Variants in SPECC1 observed in about 807,000 individuals in gnomAD.
SPECC1 encodes cytospin-B.
Under a neutral mutation model 104.1 loss-of-function variants are expected in SPECC1, and 62 were observed. The ratio of observed to expected loss-of-function variants is 0.60; its 90% CI spans 0.49 to 0.74. The LOEUF is 0.74. Among genes scored for constraint, SPECC1 ranks in the 30% least tolerant of loss-of-function variants. SPECC1 has a pLI of 0.00. For synonymous variants in SPECC1, 513 were observed against 501.6 expected (o/e 1.02, Z -0.30); for missense variants, 1,306 against 1,310.5 (o/e 1.00, Z 0.05).
chr17:20,206,972 A>G (rs2036825940), intron 4 of SPECC1, among the ~76,000 whole-genome samples: 1 of 152,126 alleles, frequency 6.6e-6, no homozygotes, highest in African/African-American at 2.4e-5. Context: ...CAACACTTTA[A>G]TCAGCCTGTA....
chr17:20,180,818 T>C (rs902853766), intron 3 of SPECC1, among the ~76,000 whole-genome samples: 1 of 152,188 alleles, frequency 6.6e-6, no homozygotes, highest in African/African-American at 2.4e-5. Flanking sequence ...AACAAATGTA[T>C]TGCATATGTT....
chr17:20,218,445 G>A (rs1201930496), intron 4 of SPECC1, among the ~76,000 whole-genome samples: 1 of 152,140 alleles, frequency 6.6e-6, no homozygotes, highest in Non-Finnish European at 1.5e-5. Context: ...AAGCTTCAGA[G>A]CACAACCTGC....
intron 4 of SPECC1, among the ~76,000 whole-genome samples, chr17:20,222,113 C>T (rs2037918080): frequency 2.0e-5 from 3 of 151,520 alleles, no homozygotes; most frequent in Admixed American, 1.3e-4. Flanking sequence ...GCGGGCACAT[C>T]ACCTGAGGTC....
At chr17:20,294,781 C>T (rs1304260905) in intron 12 of SPECC1, among the ~76,000 whole-genome samples, 1 of 152,072 alleles carries the variant, frequency 6.6e-6, no homozygotes, top group Non-Finnish European at 1.5e-5. Context: ...CAAAACTAAT[C>T]AGGTGGGTTA....
chr17:20,238,908 T>C, intron 7 of SPECC1: 1 of 1,042,664 alleles, frequency 9.6e-7, no homozygotes, highest in Non-Finnish European at 1.2e-6. Flanking sequence ...GCTGCTTAGT[T>C]TTAATCACCA....
chr17:20,182,492 T>C (rs1480597075), intron 3 of SPECC1, among the ~76,000 whole-genome samples: 1 of 152,160 alleles, frequency 6.6e-6, no homozygotes, highest in East Asian at 1.9e-4. Flanking sequence ...ACAATTTTGT[T>C]TTATTTAGTA....
At chr17:20,212,859 G>A (rs2037245901) in intron 4 of SPECC1, among the ~76,000 whole-genome samples, 1 of 152,182 alleles carries the variant, frequency 6.6e-6, no homozygotes, top group African/African-American at 2.4e-5. Context: ...TGTTTAAAAA[G>A]TAAAGTTTAT....
Position 20,110,493 on chromosome 17 carries a change from C to G in SPECC1, c.214C>G (p.Arg72Gly), listed in dbSNP as rs781646291. 6.2e-7 allele frequency: 1 copy of G among 1,613,866 alleles called. No homozygotes were observed. The highest frequency in any genetic ancestry group is 8.5e-7 in the Non-Finnish European group (1 of 1,179,996). The change falls in exon 3 of 15, where the codon CGC becomes GGC. Residue 72 changes from arginine to glycine, a missense_variant. Arg to Gly is a moderately radical substitution (Grantham distance 125). Around this residue, in one of 2 missense-constraint regions of SPECC1, gnomAD observed 1,177 missense variants for 1,139.9 expected, o/e 1.03. Coordinates refer to ENST00000395527, the MANE Select transcript of SPECC1 (RefSeq NM_001243439.2). ...AAGTACCGCTGCATCGGGGGTGGTT[C>G]GCCTGAAGAAGACCGCCACTGCCGG... The part of the protein sequence containing the change: ...PGSTAASGVV[R>G]LKKTATAGAI...
chr17:20,268,555 C>T (rs978458747), intron 12 of SPECC1, among the ~76,000 whole-genome samples: 15 of 152,202 alleles, frequency 9.9e-5, no homozygotes, highest in Non-Finnish European at 2.1e-4. Context: ...TTATTTACTG[C>T]CATCAGAGTG....
intron 1 of SPECC1, among the ~76,000 whole-genome samples, chr17:20,068,872 A>G (rs900461439): frequency 6.6e-6 from 1 of 152,192 alleles, no homozygotes; most frequent in Non-Finnish European, 1.5e-5. Flanking sequence ...TTGAGTTTTC[A>G]GAGATCTTTA....
intron 12 of SPECC1, among the ~76,000 whole-genome samples, chr17:20,274,263 T>G (rs2040502493): frequency 6.6e-6 from 1 of 152,182 alleles, no homozygotes; most frequent in South Asian, 2.1e-4. Flanking sequence ...TGTTCCCTTC[T>G]GTGCCTCTGT....
Position 20,317,259 on chromosome 17 carries a change from A to ATT in SPECC1, c.*3214_*3215dup, listed in dbSNP as rs762643888. ...GCAAGACCTCTGACTCTATAAAAAA[A>ATT]TTTTTTTTTTTTTTTTTTTTTGAGA... On this transcript the variant is annotated 3_prime_UTR_variant, in exon 15 of 15. Transcript: ENST00000395527. 40 of 69,670 alleles carry ATT rather than the reference A, an allele frequency of 5.7e-4. 1 individual carries two copies. The highest frequency in any genetic ancestry group is 4.8e-3 in the East Asian group (6 of 1,260). The allele number at this position is 69,670 out of a possible 1,614,324, so 4.3% of individuals were successfully genotyped here. A position where few individuals can be genotyped will look rare whatever the true frequency, so the allele number is the denominator to read the frequency against.
At chr17:20,015,937 C>T (rs1201406180) in intron 1 of SPECC1, among the ~76,000 whole-genome samples, 2 of 148,150 alleles carry the variant, frequency 1.3e-5, no homozygotes, top group African/African-American at 5.0e-5. Flanking sequence ...ATAGGCAGGG[C>T]GCAGTGGCTC....
At chr17:20,263,967 C>T (rs932777417) in intron 12 of SPECC1, among the ~76,000 whole-genome samples, 2 of 152,030 alleles carry the variant, frequency 1.3e-5, no homozygotes, top group Admixed American at 6.5e-5. Flanking sequence ...ACTCATTTTG[C>T]CTGTAGTACT....
At chr17:20,132,441 G>T (rs761672550) in intron 3 of SPECC1, among the ~76,000 whole-genome samples, 33 of 151,928 alleles carry the variant, frequency 2.2e-4, no homozygotes, top group Non-Finnish European at 4.6e-4. Flanking sequence ...TTTTCTGGAA[G>T]AAATTAGGTA....
At chr17:20,208,061 C>G (rs991311546) in intron 4 of SPECC1, among the ~76,000 whole-genome samples, 1 of 152,120 alleles carries the variant, frequency 6.6e-6, no homozygotes, top group Non-Finnish European at 1.5e-5. Flanking sequence ...CTGGAATCTT[C>G]TGGAATAAAC....
intron 3 of SPECC1, among the ~76,000 whole-genome samples, chr17:20,123,857 A>G (rs1303135112): frequency 6.6e-6 from 1 of 152,208 alleles, no homozygotes; most frequent in Non-Finnish European, 1.5e-5. Flanking sequence ...AGCCCTATGA[A>G]ATAGTATCCT....
At chr17:20,071,127 G>T (rs139832961) in intron 1 of SPECC1, among the ~76,000 whole-genome samples, 85 of 152,098 alleles carry the variant, frequency 5.6e-4, no homozygotes, top group African/African-American at 2.0e-3. Context: ...GATCTCCCGG[G>T]CTCAAGCAAT....
intron 9 of SPECC1, among the ~76,000 whole-genome samples, chr17:20,248,553 A>G (rs1424108811): frequency 6.6e-6 from 1 of 152,188 alleles, no homozygotes; most frequent in Non-Finnish European, 1.5e-5. Context: ...AAGAATTTTG[A>G]CACTGTCTAT....
Sources: gnomAD v4.1 joint callset for allele counts (sites outside exome capture counted in the v4.1 genomes callset) on GRCh38, gnomAD v4.1.1 for gene constraint, gnomAD v4.1.1 regional missense constraint, MANE v1.5 for transcripts, NCBI Gene and HGNC (gene_info 2026-07-23, HGNC 2026-07-21) for gene names.